DNAJC8: variants seen among roughly 807,000 people sequenced by gnomAD.
DNAJC8 encodes the protein DnaJ heat shock protein family (Hsp40) member C8.
A neutral mutation model predicts 43.2 loss-of-function variants in DNAJC8; 24 were observed. That is an observed-to-expected ratio of 0.56 (90% CI 0.40 to 0.78). The LOEUF (loss-of-function observed/expected upper bound fraction) is 0.78, where lower values mean the gene tolerates loss of function less well. DNAJC8 is among the 30% of genes least tolerant of loss of function. The pLI is 0.00. For synonymous variants in DNAJC8, 83 were observed against 98.0 expected, an observed-to-expected ratio of 0.85 and a Z score of 0.90; for missense variants, 207 against 299.4, an observed-to-expected ratio of 0.69 and a Z score of 2.28.
At chr1:28,232,214 G>A (rs1225492911) in intron 1 of DNAJC8, among the ~76,000 whole-genome samples, 6 of 152,148 alleles carry the variant, frequency 3.9e-5, no homozygotes, top group Non-Finnish European at 8.8e-5. Context: ...TTACAGATGT[G>A]AGCCACTGTG....
chr1:28,203,389 TCTATG>T (rs1646749471), intron 8 of DNAJC8, among the ~76,000 whole-genome samples: 1 of 152,278 alleles, frequency 6.6e-6, no homozygotes, highest in Non-Finnish European at 1.5e-5. Context: ...AGCACAATAC[TCTATG>T]CTTACCCCCT....
intron 2 of DNAJC8, among the ~76,000 whole-genome samples, chr1:28,228,221 C>T (rs1002635513): frequency 2.0e-5 from 3 of 151,776 alleles, no homozygotes; most frequent in Admixed American, 6.6e-5. Context: ...CAGTGGTGGG[C>T]ACCTGTAATC....
intron 2 of DNAJC8, among the ~76,000 whole-genome samples, chr1:28,215,954 G>A (rs989767927): frequency 3.3e-5 from 5 of 152,036 alleles, no homozygotes; most frequent in African/African-American, 1.2e-4. Context: ...CAAGCTCTGG[G>A]GCTCAAGTGG....
intron 3 of DNAJC8, among the ~76,000 whole-genome samples, chr1:28,213,788 CCAG>C (rs1217721642): frequency 2.6e-5 from 4 of 152,112 alleles, no homozygotes; most frequent in African/African-American, 4.8e-5. Context: ...GAGGCTGAGG[CCAG>C]CAGATCGCTT....
At chr1:28,227,092 TTC>T (rs1319836994) in intron 2 of DNAJC8, among the ~76,000 whole-genome samples, 5 of 141,404 alleles carry the variant, frequency 3.5e-5, no homozygotes, top group South Asian at 2.2e-4. Context: ...AAAAAAGAAT[TTC>T]TCTCTCTCTC....
chr1:28,226,627 C>A (rs1646936704), intron 2 of DNAJC8, among the ~76,000 whole-genome samples: 1 of 151,066 alleles, frequency 6.6e-6, no homozygotes, highest in African/African-American at 2.4e-5. Flanking sequence ...TAAAAAGTTT[C>A]TTGGGGGGTG....
chr1:28,213,246 A>G (rs1392059653), intron 3 of DNAJC8, among the ~76,000 whole-genome samples: 1 of 152,094 alleles, frequency 6.6e-6, no homozygotes, highest in Non-Finnish European at 1.5e-5. Flanking sequence ...AGAATTCTTA[A>G]CTCTTATTAT....
intron 3 of DNAJC8, 104 bp downstream of exon 3, chr1:28,214,836 G>A: frequency 1.1e-6 from 1 of 950,808 alleles, no homozygotes; most frequent in Non-Finnish European, 1.5e-6. Context: ...TTAAAAAAAA[G>A]TTAAATTTTG....
intron 2 of DNAJC8, 99 bp downstream of exon 2, chr1:28,228,823 A>T: frequency 1.0e-6 from 1 of 979,298 alleles, no homozygotes; most frequent in Non-Finnish European, 1.6e-6. Flanking sequence ...TCTCAATCCT[A>T]ACTATGATAT....
chr1:28,209,132 C>A (rs1646791697), intron 5 of DNAJC8, among the ~76,000 whole-genome samples: 1 of 152,160 alleles, frequency 6.6e-6, no homozygotes, highest in Non-Finnish European at 1.5e-5. Context: ...GAGAAACTGT[C>A]AGGCACTTTC....
At chr1:28,216,160 C>A (rs1334251083) in intron 2 of DNAJC8, among the ~76,000 whole-genome samples, 2 of 152,010 alleles carry the variant, frequency 1.3e-5, no homozygotes, top group Non-Finnish European at 2.9e-5. Context: ...ACGAGCCTGG[C>A]CAACATGGAG....
intron 3 of DNAJC8, among the ~76,000 whole-genome samples, chr1:28,212,726 G>A (rs1192278903): frequency 6.6e-6 from 1 of 151,946 alleles, no homozygotes; most frequent in Non-Finnish European, 1.5e-5. Flanking sequence ...GAACTATGTC[G>A]GGGAATGAGA....
rs1646731844 is a variant in DNAJC8 at position 28,201,299 on chromosome 1, T to C, written c.711A>G (p.Lys237=). ...QANTKGKKEK[K]NRTFLRPPKV... ...TCGGTGGTCTCAGGAAGGTCCGATTTTTCTTCTCTTTCTTCCCCTTCGTAT... is the reference window on the plus strand; with the variant it reads ...TCGGTGGTCTCAGGAAGGTCCGATTCTTCTTCTCTTTCTTCCCCTTCGTAT... Residue 237 remains lysine, a synonymous_variant, in exon 9 of 9, where the codon AAA becomes AAG. Coordinates refer to ENST00000263697, the MANE Select transcript of DNAJC8 (RefSeq NM_014280.3). The C allele has an allele frequency of 2.5e-6, 4 of 1,612,840 alleles. No individual in the cohort carries two copies. The highest frequency in any genetic ancestry group is 4.5e-5 in the East Asian group (2 of 44,876).
chr1:28,217,530 A>C (rs547718271), intron 2 of DNAJC8, among the ~76,000 whole-genome samples: 1 of 152,134 alleles, frequency 6.6e-6, no homozygotes, highest in African/African-American at 2.4e-5. Context: ...CCCCACTCTC[A>C]TAACTTCCCA....
intron 2 of DNAJC8, among the ~76,000 whole-genome samples, chr1:28,216,014 G>A (rs529993409): frequency 7.2e-5 from 11 of 152,092 alleles, no homozygotes; most frequent in Admixed American, 2.0e-4. Flanking sequence ...TATGTGGAGC[G>A]CACAACCATG....
rs749821153 is a variant in DNAJC8, at chr1:28,208,403, C to G, written c.410G>C (p.Arg137Pro). 1 of 1,609,024 alleles carries G rather than the reference C, an allele frequency of 6.2e-7. No homozygotes were observed. Among genetic ancestry groups the G allele is most frequent in the Non-Finnish European group, 8.5e-7 (1 of 1,177,066 alleles). ...KEYVEHTVKE[R>P]KKQLKKEGKP... ...TCCTTCCTTCTTTAATTGTTTTTTT[C>G]GCTCTTTCACCTAAAAAGAATTTTT... The change falls in exon 6 of 9, where the codon CGA becomes CCA. Residue 137 changes from arginine (R) to proline (P), a missense_variant. Arg to Pro is a moderately radical substitution (Grantham distance 103). This residue lies in a region of DNAJC8 where 159 missense variants were observed against 267.5 expected (regional missense o/e 0.59). Transcript: ENST00000263697.
At chr1:28,218,887 C>T (rs571307491) in intron 2 of DNAJC8, among the ~76,000 whole-genome samples, 2 of 152,196 alleles carry the variant, frequency 1.3e-5, no homozygotes, top group South Asian at 2.1e-4. Context: ...GATTTACAGA[C>T]GAGGGACTGT....
At chr1:28,222,013 T>A (rs1333944552) in intron 2 of DNAJC8, among the ~76,000 whole-genome samples, 6 of 152,166 alleles carry the variant, frequency 3.9e-5, no homozygotes, top group Admixed American at 3.9e-4. Context: ...TGATTCCTTT[T>A]ATATGAGGTA....
At chr1:28,212,881 A>C (rs1200441122) in intron 3 of DNAJC8, among the ~76,000 whole-genome samples, 1 of 152,202 alleles carries the variant, frequency 6.6e-6, no homozygotes, top group Non-Finnish European at 1.5e-5. Context: ...TGTAAATGAG[A>C]TAATACTATG....
Sources: allele counts gnomAD v4.1 joint callset (sites outside exome capture counted in the v4.1 genomes callset), GRCh38; gene constraint gnomAD v4.1.1; regional missense constraint gnomAD v4.1.1; transcripts MANE v1.5; gene names NCBI Gene and HGNC (gene_info 2026-07-23, HGNC 2026-07-21).